Variants in CEP57 observed in about 807,000 individuals in gnomAD.
The protein encoded by CEP57 is centrosomal protein 57, also known as centrosomal protein of 57 kDa.
A neutral mutation model predicts 68.0 loss-of-function variants in CEP57; 40 were observed. That is an observed-to-expected ratio of 0.59 (90% confidence interval 0.46 to 0.77). CEP57 has a LOEUF of 0.77. CEP57 is among the 30% of genes least tolerant of loss of function. The probability of loss-of-function intolerance (pLI) is 0.00; values close to 1 mark genes in which losing one functional copy is unlikely to be tolerated. For synonymous variants in CEP57, 219 were observed against 198.7 expected, an observed-to-expected ratio of 1.10 and a Z score of -0.86; for missense variants, 606 against 580.7, an observed-to-expected ratio of 1.04 and a Z score of -0.45.
In CEP57 at chr11:95,790,609, C is replaced by T. The variant is rs1325598768; in HGVS notation, c.-90C>T. 1.1e-5 allele frequency: 17 copies of T among 1,506,274 alleles called. No individual in the cohort carries two copies. Among genetic ancestry groups the T allele is most frequent in the Non-Finnish European group, 1.5e-5 (17 of 1,100,542 alleles). 93.3% of individuals were successfully genotyped at this position (1,506,274 alleles called of 1,614,324 possible). The stretch of plus-strand genomic sequence containing the variant: ...TCCATCAGGGGTTCAGCCTAGGGTC[C>T]CCGCTGGTGGGCGGCTCCCGAGTCT... On this transcript the variant is annotated 5_prime_UTR_variant, in exon 1 of 11. Transcript: ENST00000325542.
chr11:95,793,173 G>A (rs568810391), intron 1 of CEP57, among the ~76,000 whole-genome samples: 2 of 152,292 alleles, frequency 1.3e-5, no homozygotes, highest in African/African-American at 2.4e-5. Flanking sequence ...GAAGTAGGGC[G>A]ATAGGTTTCA....
At position 95,830,934 on chromosome 11, in the gene CEP57, C is replaced by CA. The variant is rs554289104; in HGVS notation, c.1273-85dup. The CA allele has an allele frequency of 8.0e-5, 76 of 951,236 alleles. No individual in the cohort carries two copies. In the African/African-American group the frequency reaches 1.0e-3, roughly 13 times the overall value. 58.9% of individuals were successfully genotyped at this position (951,236 alleles called of 1,614,324 possible). ...TTTTTCAGTTAGCATGAGAGTTAACCAAAAAAAGGTACTCTTGTACTTTTT... is the reference window on the plus strand; with the variant it reads ...TTTTTCAGTTAGCATGAGAGTTAACCAAAAAAAAGGTACTCTTGTACTTTTT... On this transcript the variant is annotated intron_variant, in intron 10 of 10. Transcript: ENST00000325542.
At chr11:95,797,674 A>T (rs1451287721) in intron 1 of CEP57, among the ~76,000 whole-genome samples, 2 of 152,210 alleles carry the variant, frequency 1.3e-5, no homozygotes, top group Non-Finnish European at 2.9e-5. Context: ...TTTTTATTAT[A>T]CCACAGGGCA....
At chr11:95,821,608 C>G (rs1862519963) in intron 6 of CEP57, among the ~76,000 whole-genome samples, 1 of 152,050 alleles carries the variant, frequency 6.6e-6, no homozygotes, top group Non-Finnish European at 1.5e-5. Context: ...TATGGAGTAA[C>G]TACAAATACT....
At chr11:95,801,011 A>G (rs1212497941) in intron 2 of CEP57, among the ~76,000 whole-genome samples, 1 of 152,200 alleles carries the variant, frequency 6.6e-6, no homozygotes, top group African/African-American at 2.4e-5. Context: ...AGGTAAAAGA[A>G]ATATTTTTGA....
At chr11:95,798,723 C>T (rs962089884) in intron 1 of CEP57, among the ~76,000 whole-genome samples, 1 of 152,100 alleles carries the variant, frequency 6.6e-6, no homozygotes, top group African/African-American at 2.4e-5. Flanking sequence ...TTTGATGGGC[C>T]TTAATGTTTT....
chr11:95,830,964 T>G (rs1410987900), intron 10 of CEP57, 62 bp from the exon 11 acceptor site: 1 of 1,330,500 alleles, frequency 7.5e-7, no homozygotes, highest in Non-Finnish European at 1.1e-6. Context: ...CTTTTTGTTG[T>G]CAGAAAAAAA....
At chr11:95,829,444 T>TA in intron 10 of CEP57, 113 bp downstream of exon 10, 1 of 1,078,608 alleles carries the variant, frequency 9.3e-7, no homozygotes, top group East Asian at 2.5e-5. Context: ...CTACAGGAGA[T>TA]ACTTCTTTAC....
At chr11:95,819,276 C>G (rs561646238) in intron 6 of CEP57, among the ~76,000 whole-genome samples, 2 of 152,276 alleles carry the variant, frequency 1.3e-5, no homozygotes, top group Admixed American at 1.3e-4. Context: ...CTTTGGTGGC[C>G]TCAAGATGCC....
At chr11:95,808,623 A>G (rs1861915159) in intron 2 of CEP57, among the ~76,000 whole-genome samples, 1 of 152,180 alleles carries the variant, frequency 6.6e-6, no homozygotes, top group Non-Finnish European at 1.5e-5. Context: ...GCCATTACAT[A>G]ATGGTAAAGG....
At chr11:95,812,463 G>T (rs371484556) in intron 2 of CEP57, among the ~76,000 whole-genome samples, 2 of 151,310 alleles carry the variant, frequency 1.3e-5, no homozygotes, top group Non-Finnish European at 2.9e-5. Context: ...TCTCACTGTC[G>T]CCCAGGCTGG....
intron 2 of CEP57, among the ~76,000 whole-genome samples, chr11:95,809,647 C>T (rs1226460211): frequency 1.3e-5 from 2 of 152,028 alleles, no homozygotes; most frequent in African/African-American, 4.8e-5. Flanking sequence ...AAGACAAAAC[C>T]AGGAAGAAGT....
intron 2 of CEP57, among the ~76,000 whole-genome samples, chr11:95,805,767 A>G (rs1378449940): frequency 6.6e-6 from 1 of 152,236 alleles, no homozygotes; most frequent in Non-Finnish European, 1.5e-5. Context: ...TAAGGAATCC[A>G]GAATAGAAGA....
intron 1 of CEP57, chr11:95,794,486 T>C: frequency 2.7e-6 from 1 of 369,324 alleles, no homozygotes; most frequent in South Asian, 2.0e-5. Flanking sequence ...TTTTGCTGTG[T>C]GTGTGAAATG....
At chr11:95,822,127 A>G in intron 7 of CEP57, 149 bp downstream of exon 7, 2 of 664,824 alleles carry the variant, frequency 3.0e-6, no homozygotes, top group East Asian at 5.5e-5. Context: ...GATAAGTAAT[A>G]CCTACTCCTA....
chr11:95,797,628 C>G (rs921868776), intron 1 of CEP57, among the ~76,000 whole-genome samples: 5 of 152,124 alleles, frequency 3.3e-5, no homozygotes, highest in Admixed American at 6.5e-5. Flanking sequence ...GTTTTTGAAT[C>G]TGTATCTGAA....
At chr11:95,791,873 G>A (rs1861097698) in intron 1 of CEP57, among the ~76,000 whole-genome samples, 1 of 152,200 alleles carries the variant, frequency 6.6e-6, no homozygotes, top group Non-Finnish European at 1.5e-5. Flanking sequence ...AAGTAATACG[G>A]AGGTAGAGCT....
In CEP57 at chr11:95,829,204, C is replaced by A. The variant is rs1862887309; in HGVS notation, c.1145C>A (p.Ala382Glu). ...GQMSFDHQQL[A>E]KLIQESPTVE... ...GTATATAGTGATCACCAGCAGCTTG[C>A]AAAACTTATCCAGGAGTCGCCAACC... is the stretch of plus-strand genomic sequence containing the variant. The change falls in exon 10 of 11, where the codon GCA becomes GAA. Residue 382 changes from alanine to glutamate, a missense_variant. Physicochemically the swap from Ala to Glu is moderately radical, Grantham distance 107 (BLOSUM62 -1). Transcript: ENST00000325542. 3.1e-6 allele frequency: 5 copies of A among 1,613,726 alleles called. No homozygotes were observed.
chr11:95,823,611 C>T (rs1434249115), intron 8 of CEP57, among the ~76,000 whole-genome samples: 1 of 145,024 alleles, frequency 6.9e-6, no homozygotes, highest in African/African-American at 2.4e-5. Context: ...ACGCCATTCA[C>T]AGTCCAGAGA....
Sources: gnomAD v4.1 joint callset for allele counts (sites outside exome capture counted in the v4.1 genomes callset) on GRCh38, gnomAD v4.1.1 for gene constraint, MANE v1.5 for transcripts, NCBI Gene and HGNC (gene_info 2026-07-23, HGNC 2026-07-21) for gene names.